CFTR: variants seen among roughly 807,000 people sequenced by gnomAD.
CFTR encodes the protein CF transmembrane conductance regulator.
CFTR carries 181 observed loss-of-function variants against 171.6 expected under a neutral mutation model. The observed-to-expected ratio is 1.05, with a 90% CI of 0.93 to 1.19. The LOEUF (loss-of-function observed/expected upper bound fraction) is 1.19. CFTR is among the 50% of genes most tolerant of loss of function. CFTR has a pLI of 0.00. For missense variants in CFTR, 1,968 were observed against 1,734.7 expected, an observed-to-expected ratio of 1.13 and a Z score of -2.39; for synonymous variants, 583 against 608.0, an observed-to-expected ratio of 0.96 and a Z score of 0.60.
intron 26 of CFTR, 54 bp downstream of exon 26, chr7:117,665,618 CAA>C: frequency 9.1e-7 from 1 of 1,103,466 alleles, no homozygotes; most frequent in Non-Finnish European, 1.4e-6. Flanking sequence ...TTCTTGATAA[CAA>C]TCTCACATGT....
At chr7:117,516,444 T>A (rs558393687) in intron 3 of CFTR, among the ~76,000 whole-genome samples, 3 of 152,314 alleles carry the variant, frequency 2.0e-5, no homozygotes, top group African/African-American at 7.2e-5. Context: ...AGGGCCTAGA[T>A]AAATGGTATT....
At chr7:117,584,458 C>T (rs537250988) in intron 11 of CFTR, among the ~76,000 whole-genome samples, 2 of 152,128 alleles carry the variant, frequency 1.3e-5, no homozygotes, top group South Asian at 4.1e-4. Context: ...TTTTTGTATG[C>T]TTTGTCAAAG....
rs2116641277 is a variant in CFTR, at chr7:117,509,030, G to A, written c.165-4G>A. The stretch of plus-strand genomic sequence containing the variant: ...TATTGGTCCCACTTTTTATTCTTTT[G>A]CAGAGAATGGGATAGAGAGCTGGCT... On this transcript the variant is annotated splice_polypyrimidine_tract_variant and splice_region_variant and intron_variant, in intron 2 of 26. Transcript: ENST00000003084. The A allele has an allele frequency of 7.0e-6, 11 of 1,576,670 alleles. No homozygotes were observed. Among genetic ancestry groups the A allele is most frequent in the Non-Finnish European group, 9.6e-6 (11 of 1,146,460 alleles).
intron 23 of CFTR, among the ~76,000 whole-genome samples, chr7:117,648,083 GTATT>G (rs1562924824): frequency 1.4e-5 from 2 of 140,758 alleles, no homozygotes; most frequent in African/African-American, 5.4e-5. Context: ...ATATATATAT[GTATT>G]TATATATATA....
At chr7:117,666,197 T>C (rs1207848892) in intron 26 of CFTR, among the ~76,000 whole-genome samples, 1 of 152,174 alleles carries the variant, frequency 6.6e-6, no homozygotes, top group Non-Finnish European at 1.5e-5. Context: ...CATCTGTCTT[T>C]ATTAAAACAA....
Position 117,639,815 on chromosome 7 carries a change from A to C in CFTR, c.3718-2623A>C, listed in dbSNP as rs77685067. 1.2e-3 allele frequency among the ~76,000 whole-genome samples: 184 copies of C among 152,294 alleles called. 3 individuals are homozygous for C. In the East Asian group the frequency reaches 0.033, roughly 27 times the overall value. Reference sequence around the variant, plus strand: ...CAATACTATGTTTCATTAATAATTAATAGAGATATATGAACACATAAAAGA... The same window carrying C: ...CAATACTATGTTTCATTAATAATTACTAGAGATATATGAACACATAAAAGA... On this transcript the variant is annotated intron_variant, in intron 22 of 26. Coordinates refer to ENST00000003084, the MANE Select transcript of CFTR (RefSeq NM_000492.4).
chr7:117,487,972 A>G (rs1798100291), intron 1 of CFTR: 1 of 152,156 alleles, frequency 6.6e-6, no homozygotes, highest in Non-Finnish European at 1.5e-5. Context: ...CAAGGTGGAG[A>G]AACTATATAG....
intron 11 of CFTR, among the ~76,000 whole-genome samples, chr7:117,582,947 C>T (rs1444824520): frequency 1.3e-5 from 2 of 152,076 alleles, no homozygotes; most frequent in African/African-American, 4.8e-5. Context: ...ATCTCTTTCT[C>T]TAATATTTTT....
At chr7:117,665,220 A>G (rs140326699) in intron 25 of CFTR, among the ~76,000 whole-genome samples, 9 of 152,228 alleles carry the variant, frequency 5.9e-5, no homozygotes, top group African/African-American at 2.2e-4. Flanking sequence ...TACATAATGA[A>G]AAATGTACTC....
intron 10 of CFTR, among the ~76,000 whole-genome samples, chr7:117,551,784 T>C (rs1799275483): frequency 6.6e-6 from 1 of 152,202 alleles, no homozygotes; most frequent in Non-Finnish European, 1.5e-5. Flanking sequence ...GCTTATGGCA[T>C]CTCACCAGTG....
At chr7:117,513,924 T>C (rs1000124458) in intron 3 of CFTR, among the ~76,000 whole-genome samples, 6 of 152,192 alleles carry the variant, frequency 3.9e-5, no homozygotes, top group Admixed American at 2.0e-4. Context: ...TACTGCATTG[T>C]ACATCTTCCC....
At position 117,592,292 on chromosome 7, in the gene CFTR, C is replaced by G. The variant is rs121908760; in HGVS notation, c.2125C>G (p.Arg709Gly). 3 of 1,614,014 alleles carry G rather than the reference C, an allele frequency of 1.9e-6. No homozygotes were observed. The highest frequency in any genetic ancestry group is 2.5e-6 in the Non-Finnish European group (3 of 1,180,012). Residue 709 changes from arginine to glycine, a missense_variant, in exon 14 of 27, where the codon CGA becomes GGA. Transcript: ENST00000003084. Reference protein sequence around the residue: ...NSILNPINSIRKFSIVQKTPL... With the variant: ...NSILNPINSIGKFSIVQKTPL... ...TATTCTCAATCCAATCAACTCTATA[C>G]GAAAATTTTCCATTGTGCAAAAGAC... is the stretch of plus-strand genomic sequence containing the variant.
chr7:117,570,114 C>T (rs746156202), intron 11 of CFTR, among the ~76,000 whole-genome samples: 1 of 150,954 alleles, frequency 6.6e-6, no homozygotes, highest in South Asian at 2.1e-4. Context: ...TCTTGGTTTA[C>T]GGTTCCAGTA....
intron 11 of CFTR, among the ~76,000 whole-genome samples, chr7:117,569,914 C>T (rs113883797): frequency 3.3e-5 from 5 of 152,114 alleles, no homozygotes; most frequent in African/African-American, 9.7e-5. Flanking sequence ...TTTGTACTCT[C>T]GTGTAACTTA....
chr7:117,667,550 C>T lies in CFTR; in HGVS notation c.*442C>T, dbSNP rs180783619. The T allele has an allele frequency of 1.5e-4, 43 of 282,416 alleles. 2 individuals carry two copies. In the Admixed American group the frequency reaches 1.7e-3, roughly 11 times the overall value. 17.5% of individuals were successfully genotyped at this position (282,416 alleles called of 1,614,324 possible). A position where few individuals can be genotyped will look rare whatever the true frequency, so the allele number is the denominator to read the frequency against. On this transcript the variant is annotated 3_prime_UTR_variant, in exon 27 of 27. Coordinates refer to ENST00000003084, the MANE Select transcript of CFTR (RefSeq NM_000492.4). ...AAGTAATGATAACTGGAAACTTCAG[C>T]GGTTTATATAAGCTTGTATTCCTTT...
chr7:117,661,012 G>C (rs895335847), intron 24 of CFTR, among the ~76,000 whole-genome samples: 1 of 152,092 alleles, frequency 6.6e-6, no homozygotes, highest in African/African-American at 2.4e-5. Context: ...ACATCCAAAA[G>C]ATCCGTAGGA....
At chr7:117,542,318 G>A (rs1022080228) in intron 9 of CFTR, among the ~76,000 whole-genome samples, 1 of 152,140 alleles carries the variant, frequency 6.6e-6, no homozygotes, top group Non-Finnish European at 1.5e-5. Context: ...AGACCAAGGC[G>A]GGTGGATCAC....
chr7:117,566,813 C>T (rs1426491050), intron 11 of CFTR, among the ~76,000 whole-genome samples: 1 of 152,174 alleles, frequency 6.6e-6, no homozygotes, highest in African/African-American at 2.4e-5. Flanking sequence ...GACAACTTCA[C>T]CCAGAGTTTG....
At position 117,538,572 on chromosome 7, in the gene CFTR, G is replaced by A. The variant is rs373024899; in HGVS notation, c.870-1528G>A. Among the ~76,000 whole-genome samples the A allele has an allele frequency of 2.0e-4, 31 of 152,036 alleles. No individual in the cohort carries two copies. The South Asian group carries it at 6.4e-3, about 32-fold the overall frequency. ...GTTTCCTATCATTTTATAAATACCA[G>A]CCTAGTCCATGTTATTCCTTTTCTT... On this transcript the variant is annotated intron_variant, in intron 7 of 26. Transcript: ENST00000003084.
Sources: gnomAD v4.1 joint callset for allele counts (sites outside exome capture counted in the v4.1 genomes callset) on GRCh38, gnomAD v4.1.1 for gene constraint, MANE v1.5 for transcripts, NCBI Gene and HGNC (gene_info 2026-07-23, HGNC 2026-07-21) for gene names.